Variants in TRAPPC9 observed in about 807,000 individuals in gnomAD.
TRAPPC9 encodes the protein trafficking protein particle complex subunit 9.
TRAPPC9 carries 83 observed loss-of-function variants against 124.0 expected under a neutral mutation model. The observed-to-expected ratio is 0.67, with a 90% CI of 0.56 to 0.80. The LOEUF is 0.80. TRAPPC9 is among the 30% of genes least tolerant of loss of function. The pLI is 0.00. For missense variants in TRAPPC9, 1,302 were observed against 1,508.3 expected (o/e 0.86, Z 2.27); for synonymous variants, 638 against 617.5 (o/e 1.03, Z -0.49).
chr8:140,072,701 T>C (rs1843262770), intron 17 of TRAPPC9, among the ~76,000 whole-genome samples: 2 of 152,258 alleles, frequency 1.3e-5, no homozygotes, highest in Admixed American at 6.5e-5. Context: ...TGCATATATA[T>C]ATATATCTTC....
At chr8:140,125,191 C>T (rs966674131) in intron 17 of TRAPPC9, among the ~76,000 whole-genome samples, 13 of 152,144 alleles carry the variant, frequency 8.5e-5, no homozygotes, top group African/African-American at 7.2e-5. Flanking sequence ...ACCCAGAGCT[C>T]GGGGGCGGGA....
intron 17 of TRAPPC9, among the ~76,000 whole-genome samples, chr8:140,161,194 G>A (rs1413636073): frequency 6.6e-6 from 1 of 152,138 alleles, no homozygotes. Context: ...CATTTGCTGG[G>A]TGCTTACTGT....
At chr8:140,052,493 T>TA in intron 17 of TRAPPC9, among the ~76,000 whole-genome samples, 1 of 152,182 alleles carries the variant, frequency 6.6e-6, no homozygotes, top group East Asian at 1.9e-4. Flanking sequence ...TTTAAAAACT[T>TA]AGTCAGGGCT....
chr8:139,897,240 G>T (rs7845933), intron 20 of TRAPPC9, among the ~76,000 whole-genome samples: 90,081 of 151,968 alleles, frequency 0.59, 27,397 homozygotes, highest in African/African-American at 0.74. Flanking sequence ...ATTACAGTTT[G>T]CTCACATGCC....
chr8:140,242,820 G>C (rs73714812), intron 16 of TRAPPC9, among the ~76,000 whole-genome samples: 7,445 of 152,296 alleles, frequency 0.049, 465 homozygotes, highest in African/African-American at 0.14. Context: ...GGGGAGGGAA[G>C]CTCCCCACCT....
chr8:139,812,511 G>A (rs1279099552), intron 21 of TRAPPC9, among the ~76,000 whole-genome samples: 2 of 152,220 alleles, frequency 1.3e-5, no homozygotes, highest in Non-Finnish European at 2.9e-5. Flanking sequence ...GCGCCTCTGA[G>A]GACTGGCGCT....
chr8:139,790,222 G>A (rs551409180), intron 21 of TRAPPC9, among the ~76,000 whole-genome samples: 45 of 152,314 alleles, frequency 3.0e-4, no homozygotes, highest in Admixed American at 9.8e-4. Flanking sequence ...CCTATTTTCC[G>A]AAAGATAAGT....
intron 9 of TRAPPC9, among the ~76,000 whole-genome samples, chr8:140,320,234 C>CTGAG (rs1368048763): frequency 6.6e-6 from 1 of 152,186 alleles, no homozygotes; most frequent in East Asian, 1.9e-4. Flanking sequence ...CATAACAATG[C>CTGAG]TGAGGTCTCT....
chr8:139,850,940 A>C (rs1827403166), intron 21 of TRAPPC9, among the ~76,000 whole-genome samples: 1 of 152,212 alleles, frequency 6.6e-6, no homozygotes, highest in African/African-American at 2.4e-5. Context: ...TCCATGCTCA[A>C]AAGAACTCTG....
At chr8:140,015,402 G>A (rs937150494) in intron 18 of TRAPPC9, among the ~76,000 whole-genome samples, 2 of 152,208 alleles carry the variant, frequency 1.3e-5, no homozygotes, top group African/African-American at 4.8e-5. Flanking sequence ...AAAATGAAAA[G>A]TAATGAATTC....
intron 9 of TRAPPC9, among the ~76,000 whole-genome samples, chr8:140,333,564 T>A (rs1233978305): frequency 6.6e-6 from 1 of 152,178 alleles, no homozygotes; most frequent in East Asian, 1.9e-4. Context: ...CTAATTTTTA[T>A]ACTTTTAGTA....
In TRAPPC9 at chr8:140,182,479, G is replaced by C. The variant is rs1337033696; in HGVS notation, c.2556+38980C>G. ...AAACAGCTTCACTACTGATACATTA[G>C]TGTCTGCTAATTCTGAAACTGTACA... is the stretch of plus-strand genomic sequence containing the variant. On this transcript the variant is annotated intron_variant, in intron 17 of 22. Transcript: ENST00000438773. This position sits in a 1 kb window ranked among gnomAD's most constrained non-coding sequence, Gnocchi z 4.0. Among the ~76,000 whole-genome samples the C allele has an allele frequency of 4.6e-5, 7 of 152,128 alleles. No individual in the cohort carries two copies. The highest frequency in any genetic ancestry group is 1.0e-4 in the Non-Finnish European group (7 of 68,034).
At chr8:139,796,301 G>C (rs1440214017) in intron 21 of TRAPPC9, among the ~76,000 whole-genome samples, 1 of 152,198 alleles carries the variant, frequency 6.6e-6, no homozygotes, top group African/African-American at 2.4e-5. Flanking sequence ...GCCTAGGCAG[G>C]TCACTCAGTG....
chr8:139,924,787 C>T (rs1000045160), intron 19 of TRAPPC9, among the ~76,000 whole-genome samples: 4 of 152,200 alleles, frequency 2.6e-5, no homozygotes, highest in East Asian at 1.9e-4. Flanking sequence ...CCACCTCCTT[C>T]GCTCCTGGAC....
intron 19 of TRAPPC9, among the ~76,000 whole-genome samples, chr8:139,977,305 A>G (rs1836541745): frequency 6.6e-6 from 1 of 151,960 alleles, no homozygotes; most frequent in Non-Finnish European, 1.5e-5. Context: ...GATTCACAAC[A>G]GTATCCATGA....
intron 17 of TRAPPC9, among the ~76,000 whole-genome samples, chr8:140,061,407 G>C (rs1842604265): frequency 6.6e-6 from 1 of 152,164 alleles, no homozygotes; most frequent in South Asian, 2.1e-4. Flanking sequence ...CTGTCTCGGA[G>C]CTGGGGATGG....
At chr8:140,129,356 G>A (rs980243239) in intron 17 of TRAPPC9, among the ~76,000 whole-genome samples, 3 of 152,138 alleles carry the variant, frequency 2.0e-5, no homozygotes, top group Non-Finnish European at 2.9e-5. Flanking sequence ...GTGGACATCC[G>A]TGTGTGAGAC....
chr8:139,905,264 C>A (rs570505212), intron 20 of TRAPPC9, among the ~76,000 whole-genome samples: 2 of 152,240 alleles, frequency 1.3e-5, no homozygotes, highest in South Asian at 4.1e-4. Context: ...GGGAAGGATT[C>A]TCTTTAAAAT....
chr8:140,196,802 ACT>A (rs1193471039), intron 17 of TRAPPC9, among the ~76,000 whole-genome samples: 1 of 151,944 alleles, frequency 6.6e-6, no homozygotes, highest in Non-Finnish European at 1.5e-5. Context: ...ACTAAAACAC[ACT>A]CAACTATCCA....
Sources: allele counts gnomAD v4.1 joint callset (sites outside exome capture counted in the v4.1 genomes callset), GRCh38; gene constraint gnomAD v4.1.1; non-coding constraint Gnocchi (gnomAD v3.1); transcripts MANE v1.5; gene names NCBI Gene and HGNC (gene_info 2026-07-23, HGNC 2026-07-21).